IGF1R: variants seen among roughly 807,000 people sequenced by gnomAD.
IGF1R encodes insulin-like growth factor 1 receptor.
IGF1R carries 44 observed loss-of-function variants against 144.6 expected under a neutral mutation model. The ratio of observed to expected loss-of-function variants is 0.30; its 90% CI spans 0.24 to 0.39. IGF1R has a LOEUF of 0.39. IGF1R is among the 10% of genes least tolerant of loss of function. The pLI, the probability that IGF1R is intolerant of heterozygous loss-of-function variation, is 1.00. For synonymous variants in IGF1R, 795 were observed against 722.8 expected (o/e 1.10, Z -1.60); for missense variants, 1,355 against 1,833.7 (o/e 0.74, Z 4.77).
intron 2 of IGF1R, among the ~76,000 whole-genome samples, chr15:98,736,031 G>A (rs753940801): frequency 1.3e-5 from 2 of 152,184 alleles, no homozygotes; most frequent in Non-Finnish European, 2.9e-5. Context: ...CTGCCCTGAG[G>A]GGGGATTACA....
chr15:98,823,935 T>A (rs998695840), intron 2 of IGF1R, among the ~76,000 whole-genome samples: 1 of 152,220 alleles, frequency 6.6e-6, no homozygotes, highest in African/African-American at 2.4e-5. Context: ...AGACTAGACA[T>A]CCTAAAATTA....
At chr15:98,864,275 C>G (rs2012312395) in intron 2 of IGF1R, among the ~76,000 whole-genome samples, 1 of 152,176 alleles carries the variant, frequency 6.6e-6, no homozygotes, top group African/African-American at 2.4e-5. Context: ...GCAAACATTA[C>G]CAACATGGCA....
chr15:98,844,032 G>T (rs28411250), intron 2 of IGF1R, among the ~76,000 whole-genome samples: 401 of 152,224 alleles, frequency 2.6e-3, no homozygotes, highest in African/African-American at 9.2e-3. Context: ...TCAATTTATG[G>T]CTATGTAAGT....
At chr15:98,906,593 A>AC (rs905759760) in intron 5 of IGF1R, among the ~76,000 whole-genome samples, 14 of 152,154 alleles carry the variant, frequency 9.2e-5, no homozygotes, top group African/African-American at 2.4e-4. Flanking sequence ...GATGGGGTCT[A>AC]CCCCCAGCAA....
intron 2 of IGF1R, among the ~76,000 whole-genome samples, chr15:98,839,875 G>A (rs575734093): frequency 8.5e-5 from 13 of 152,192 alleles, no homozygotes; most frequent in Non-Finnish European, 1.6e-4. Context: ...TTGCTCAGAT[G>A]ATCCTTGGTT....
intron 1 of IGF1R, chr15:98,650,784 T>C (rs1237511343): frequency 1.7e-6 from 1 of 573,230 alleles, no homozygotes; most frequent in East Asian, 1.4e-4. Flanking sequence ...CCCTCTCTTC[T>C]GCCGCCCCGC....
chr15:98,697,923 T>G (rs1158910606), intron 1 of IGF1R, among the ~76,000 whole-genome samples: 2 of 151,194 alleles, frequency 1.3e-5, no homozygotes, highest in African/African-American at 4.9e-5. Flanking sequence ...TTGTTAGAGA[T>G]GGGGTTTCGC....
chr15:98,766,293 A>G (rs1009952762), intron 2 of IGF1R, among the ~76,000 whole-genome samples: 3 of 152,208 alleles, frequency 2.0e-5, no homozygotes, highest in East Asian at 1.9e-4. Flanking sequence ...AGGTTTTTCA[A>G]ATCCCCAGAA....
At chr15:98,849,198 C>A (rs1372293143) in intron 2 of IGF1R, among the ~76,000 whole-genome samples, 4 of 152,140 alleles carry the variant, frequency 2.6e-5, no homozygotes, top group South Asian at 4.1e-4. Flanking sequence ...AAGAGACAGA[C>A]CAATGGAACA....
rs572013263 is a variant in IGF1R at position 98,699,533 on chromosome 15, C to T, written c.95-8029C>T. Among the ~76,000 whole-genome samples, 8 of 152,220 alleles carry T rather than the reference C, an allele frequency of 5.3e-5. No homozygotes were observed. In the South Asian group the frequency reaches 1.0e-3, roughly 20 times the overall value. The stretch of plus-strand genomic sequence containing the variant: ...AGATAAAGTTGTTTTTATGAAGATC[C>T]GGGAAAACGGTTGTTACAAATACAG... On this transcript the variant is annotated intron_variant, in intron 1 of 20. Coordinates refer to ENST00000650285, the MANE Select transcript of IGF1R (RefSeq NM_000875.5).
chr15:98,886,502 T>C (rs2013648461), intron 2 of IGF1R, among the ~76,000 whole-genome samples: 1 of 152,216 alleles, frequency 6.6e-6, no homozygotes. Flanking sequence ...CTTTTTTCTC[T>C]GTATATTTGT....
Position 98,694,413 on chromosome 15 carries a change from T to A in IGF1R, c.95-13149T>A, listed in dbSNP as rs866232339. 2.0e-5 allele frequency among the ~76,000 whole-genome samples: 3 copies of A among 152,140 alleles called. No homozygotes were observed. The South Asian group carries it at 6.2e-4, about 32-fold the overall frequency. On this transcript the variant is annotated intron_variant, in intron 1 of 20. Coordinates refer to ENST00000650285, the MANE Select transcript of IGF1R (RefSeq NM_000875.5). Reference sequence around the variant, plus strand: ...CATAGGAAGGCTTAGGGATCCCCACTTGAACTGCTGTGTGGCTCTATGAAC... The same window carrying A: ...CATAGGAAGGCTTAGGGATCCCCACATGAACTGCTGTGTGGCTCTATGAAC...
intron 1 of IGF1R, among the ~76,000 whole-genome samples, chr15:98,684,274 A>C (rs2053265730): frequency 6.6e-6 from 1 of 152,148 alleles, no homozygotes; most frequent in South Asian, 2.1e-4. Context: ...TAGATCTTAA[A>C]TATGTTTATC....
chr15:98,649,800 G>T (rs2052304610), intron 1 of IGF1R, 125 bp downstream of exon 1: 2 of 705,926 alleles, frequency 2.8e-6, no homozygotes, highest in East Asian at 2.8e-5. Context: ...GAGCGGCGGG[G>T]TGGGGCGCAG....
At chr15:98,701,371 C>T (rs1018274887) in intron 1 of IGF1R, among the ~76,000 whole-genome samples, 33 of 119,284 alleles carry the variant, frequency 2.8e-4, no homozygotes, top group Non-Finnish European at 4.5e-4. Context: ...GAGTCTCGTT[C>T]TGTCACCCAG....
chr15:98,787,184 C>T (rs1242701946), intron 2 of IGF1R, among the ~76,000 whole-genome samples: 4 of 152,162 alleles, frequency 2.6e-5, no homozygotes, highest in Non-Finnish European at 5.9e-5. Flanking sequence ...AGTGGGACTT[C>T]AGCATTCTCT....
At chr15:98,689,234 CTTTTTTTTTTT>C (rs890361771) in intron 1 of IGF1R, among the ~76,000 whole-genome samples, 7 of 100,934 alleles carry the variant, frequency 6.9e-5, no homozygotes, top group East Asian at 3.1e-4. Flanking sequence ...AGTTGCACTA[CTTTTTTTTTTT>C]TTTTTTTTTT....
intron 2 of IGF1R, among the ~76,000 whole-genome samples, chr15:98,865,142 A>G (rs2012359849): frequency 6.6e-6 from 1 of 152,228 alleles, no homozygotes; most frequent in South Asian, 2.1e-4. Context: ...TAGTTTGTGT[A>G]CTAAGTATAT....
At chr15:98,885,124 T>C (rs1431184758) in intron 2 of IGF1R, among the ~76,000 whole-genome samples, 1 of 152,222 alleles carries the variant, frequency 6.6e-6, no homozygotes, top group Non-Finnish European at 1.5e-5. Context: ...AGCCCTAAGC[T>C]ACCCTTTGCT....
Sources: gnomAD v4.1 joint callset for allele counts (sites outside exome capture counted in the v4.1 genomes callset) on GRCh38, gnomAD v4.1.1 for gene constraint, MANE v1.5 for transcripts, NCBI Gene and HGNC (gene_info 2026-07-23, HGNC 2026-07-21) for gene names.